EEF1AKMT1: variants seen among roughly 807,000 people sequenced by gnomAD.
EEF1AKMT1 encodes the protein N-6 adenine-specific DNA methyltransferase 2 (putative).
Under a neutral mutation model 21.0 loss-of-function variants are expected in EEF1AKMT1, and 18 were observed. That is an observed-to-expected ratio of 0.86 (90% confidence interval 0.59 to 1.27). EEF1AKMT1 has a LOEUF of 1.27. Among genes scored for constraint, EEF1AKMT1 ranks in the 50% most tolerant of loss-of-function variants. The pLI, the probability that EEF1AKMT1 is intolerant of heterozygous loss-of-function variation, is 0.00. For synonymous variants in EEF1AKMT1, 109 were observed against 94.8 expected (o/e 1.15, Z -0.87); for missense variants, 246 against 258.6 (o/e 0.95, Z 0.33).
chr13:20,732,050 T>A lies in EEF1AKMT1; in HGVS notation c.299A>T (p.Tyr100Phe). The change falls in exon 4 of 5, where the codon TAC becomes TTC. Residue 100 changes from tyrosine to phenylalanine, a missense_variant. Physicochemically the swap from Tyr to Phe is conservative, Grantham distance 22. Coordinates refer to ENST00000382758, the MANE Select transcript of EEF1AKMT1 (RefSeq NM_001318939.2). ...AAATCTTTTGTCATATTCAAAGATG[T>A]ATATCGAAAAGTTTTCTCTGCACAG... ...RELCRENFSI[Y>F]IFEYDKRFAM... is the part of the protein sequence containing the mutation. The A allele has an allele frequency of 3.7e-6, 6 of 1,614,182 alleles. No individual in the cohort carries two copies. The highest frequency in any genetic ancestry group is 1.1e-5 in the South Asian group (1 of 91,078).
chr13:20,757,502 G>C lies in EEF1AKMT1; in HGVS notation c.97C>G (p.Pro33Ala). Residue 33 changes from proline (P) to alanine (A), a missense_variant, in exon 2 of 5, where the codon CCA becomes GCA. Transcript: ENST00000382758. ...FYAEQKQQIE[P>A]GEDDKYNIGI... The stretch of plus-strand genomic sequence containing the variant: ...ATGTTATATTTATCATCCTCGCCTG[G>C]CTCAATTTGTTGCTTTTGCTCAGCA... 2 of 1,614,026 alleles carry C rather than the reference G, an allele frequency of 1.2e-6. No individual in the cohort carries two copies. Among genetic ancestry groups the C allele is most frequent in the Non-Finnish European group, 1.7e-6 (2 of 1,179,990 alleles).
intron 1 of EEF1AKMT1, among the ~76,000 whole-genome samples, chr13:20,759,687 T>C (rs1196484472): frequency 2.0e-5 from 3 of 150,178 alleles, no homozygotes; most frequent in African/African-American, 7.3e-5. Context: ...ACATGATTAA[T>C]AGAAGGCATA....
chr13:20,765,401 T>C (rs1468417570), intron 1 of EEF1AKMT1, among the ~76,000 whole-genome samples: 1 of 135,808 alleles, frequency 7.4e-6, no homozygotes, highest in African/African-American at 2.8e-5. Flanking sequence ...GTTTCTTCCC[T>C]TGGGTTTTTT....
chr13:20,747,272 C>T, intron 2 of EEF1AKMT1: 1 of 257,272 alleles, frequency 3.9e-6, no homozygotes, highest in Non-Finnish European at 7.7e-6. Flanking sequence ...CCTAGCAAGC[C>T]AGAGGAAGAG....
chr13:20,732,261 TAA>T, intron 3 of EEF1AKMT1, 140 bp from the exon 4 acceptor site: 3 of 864,570 alleles, frequency 3.5e-6, no homozygotes, highest in Non-Finnish European at 5.1e-6. Context: ...GTGTAATAGT[TAA>T]TGTTGAGAAA....
At chr13:20,733,000 G>A (rs1047886118) in intron 3 of EEF1AKMT1, among the ~76,000 whole-genome samples, 1 of 151,868 alleles carries the variant, frequency 6.6e-6, no homozygotes. Context: ...CCCAGTTTAT[G>A]AATGGGTAGT....
chr13:20,737,201 T>G (rs1179532615), intron 3 of EEF1AKMT1, among the ~76,000 whole-genome samples: 1 of 151,902 alleles, frequency 6.6e-6, no homozygotes. Context: ...CCATCTCTAC[T>G]AAAAATACAA....
chr13:20,735,459 G>A (rs1346870966), intron 3 of EEF1AKMT1, among the ~76,000 whole-genome samples: 1 of 152,166 alleles, frequency 6.6e-6, no homozygotes, highest in Non-Finnish European at 1.5e-5. Context: ...TAAACGCATT[G>A]GATGATGAAA....
chr13:20,740,870 A>G (rs1047096747), intron 2 of EEF1AKMT1, among the ~76,000 whole-genome samples: 13 of 151,778 alleles, frequency 8.6e-5, no homozygotes, highest in African/African-American at 2.7e-4. Flanking sequence ...TTATATCTCA[A>G]CAAAACTGAG....
At chr13:20,746,677 C>A (rs879278458) in intron 2 of EEF1AKMT1, among the ~76,000 whole-genome samples, 1 of 150,192 alleles carries the variant, frequency 6.7e-6, no homozygotes, top group African/African-American at 2.4e-5. Context: ...CATCAGGGCA[C>A]AATGATAGAT....
chr13:20,748,325 A>G (rs1389384157), intron 2 of EEF1AKMT1, among the ~76,000 whole-genome samples: 1 of 151,842 alleles, frequency 6.6e-6, no homozygotes, highest in East Asian at 1.9e-4. Context: ...AGTCCCAGCT[A>G]CTCAGGAGGT....
intron 2 of EEF1AKMT1, among the ~76,000 whole-genome samples, chr13:20,743,536 G>A (rs1053047852): frequency 1.3e-4 from 19 of 151,122 alleles, no homozygotes; most frequent in African/African-American, 4.4e-4. Context: ...CACCTCAAAA[G>A]TCTGGGGAGG....
intron 1 of EEF1AKMT1, among the ~76,000 whole-genome samples, chr13:20,770,319 G>A (rs1304726062): frequency 6.6e-6 from 1 of 152,012 alleles, no homozygotes; most frequent in African/African-American, 2.4e-5. Context: ...GGAGAATAGG[G>A]TTTAATGGGT....
intron 1 of EEF1AKMT1, among the ~76,000 whole-genome samples, chr13:20,766,226 G>C (rs778854336): frequency 6.8e-6 from 1 of 146,824 alleles, no homozygotes; most frequent in Non-Finnish European, 1.5e-5. Context: ...TTGAACCTGG[G>C]AGGAGGAGGT....
intron 2 of EEF1AKMT1, among the ~76,000 whole-genome samples, chr13:20,748,674 A>G (rs990474404): frequency 2.7e-5 from 4 of 149,754 alleles, no homozygotes; most frequent in African/African-American, 9.9e-5. Context: ...GCTCTCTCAT[A>G]CACATCATTT....
At chr13:20,748,736 T>TTG (rs915220816) in intron 2 of EEF1AKMT1, among the ~76,000 whole-genome samples, 1 of 114,152 alleles carries the variant, frequency 8.8e-6, no homozygotes, top group Non-Finnish European at 2.0e-5. Context: ...GTTTTTTTTT[T>TTG]TTTTTTTTTT....
At chr13:20,765,703 G>A (rs955732514) in intron 1 of EEF1AKMT1, among the ~76,000 whole-genome samples, 2 of 151,734 alleles carry the variant, frequency 1.3e-5, no homozygotes, top group African/African-American at 2.4e-5. Flanking sequence ...GAGCCACTGC[G>A]TCTGGCCTCT....
At position 20,730,117 on chromosome 13, in the gene EEF1AKMT1, G is replaced by GCC. The variant is rs1595008726; in HGVS notation, c.509-902_509-901insGG. ...CTGGGTCTCTGTTACTCTTCTCAGAGTTAGTGCTTCCAGCCTTTAGTCTAT... is the reference window on the plus strand; with the variant it reads ...CTGGGTCTCTGTTACTCTTCTCAGAGCCTTAGTGCTTCCAGCCTTTAGTCTAT... On this transcript the variant is annotated intron_variant, in intron 4 of 4. Transcript: ENST00000382758. 3.9e-5 allele frequency among the ~76,000 whole-genome samples: 6 copies of GCC among 152,380 alleles called. No homozygotes were observed. In the East Asian group the frequency reaches 1.2e-3, roughly 29 times the overall value.
intron 2 of EEF1AKMT1, among the ~76,000 whole-genome samples, chr13:20,744,723 A>G (rs539784049): frequency 4.6e-5 from 7 of 152,232 alleles, no homozygotes; most frequent in East Asian, 3.9e-4. Flanking sequence ...TTTTGTTGCC[A>G]TTGCTTTTGG....
Sources: allele counts gnomAD v4.1 joint callset (sites outside exome capture counted in the v4.1 genomes callset), GRCh38; gene constraint gnomAD v4.1.1; transcripts MANE v1.5; gene names NCBI Gene and HGNC (gene_info 2026-07-23, HGNC 2026-07-21).